The following RTN4R variants were observed in gnomAD, a reference collection of about 807,000 sequenced individuals.
The protein encoded by RTN4R is reticulon 4 receptor.
A neutral mutation model predicts 27.7 loss-of-function variants in RTN4R; 4 were observed. The observed-to-expected ratio is 0.14, with a 90% CI of 0.07 to 0.33. RTN4R has a LOEUF of 0.33. Ranked by LOEUF, RTN4R falls within the 10% of genes least tolerant of loss-of-function variation. The pLI is 1.00. For synonymous variants in RTN4R, 290 were observed against 305.6 expected (o/e 0.95, Z 0.53); for missense variants, 554 against 671.5 (o/e 0.83, Z 1.93).
At position 20,264,874 on chromosome 22, in the gene RTN4R, A is replaced by G. The variant is rs577391539; in HGVS notation, c.22+3197T>C. On this transcript the variant is annotated intron_variant, in intron 1 of 1. Transcript: ENST00000043402. ...ATGGGGGCGGGACGGCATGAACCTCATTGATCAGATAGTAGCCAAGTGTCA... is the reference window on the plus strand; with the variant it reads ...ATGGGGGCGGGACGGCATGAACCTCGTTGATCAGATAGTAGCCAAGTGTCA... Among the ~76,000 whole-genome samples the G allele has an allele frequency of 1.2e-3, 189 of 152,304 alleles. 1 individual carries two copies. The highest frequency in any genetic ancestry group is 4.4e-3 in the African/African-American group (184 of 41,564).
chr22:20,248,075 T>C (rs931552820), intron 1 of RTN4R, among the ~76,000 whole-genome samples: 2 of 152,140 alleles, frequency 1.3e-5, no homozygotes, highest in African/African-American at 4.8e-5. Flanking sequence ...CAAATTCTCT[T>C]GGAGGGGGTG....
intron 1 of RTN4R, chr22:20,267,513 C>T (rs371374111): frequency 2.1e-5 from 9 of 429,274 alleles, no homozygotes; most frequent in African/African-American, 1.7e-4. Context: ...TTGCTGCCTC[C>T]TCTCACCGCC....
intron 1 of RTN4R, among the ~76,000 whole-genome samples, chr22:20,266,375 G>A (rs2051276585): frequency 6.6e-6 from 1 of 152,226 alleles, no homozygotes; most frequent in African/African-American, 2.4e-5. Flanking sequence ...CCATCATGCA[G>A]CATGGCATCC....
At chr22:20,259,125 T>C (rs2051229577) in intron 1 of RTN4R, among the ~76,000 whole-genome samples, 1 of 152,010 alleles carries the variant, frequency 6.6e-6, no homozygotes, top group South Asian at 2.1e-4. Context: ...GGCCAAGGCA[T>C]AGGGGAGGGC....
At chr22:20,266,857 C>T (rs1313782565) in intron 1 of RTN4R, among the ~76,000 whole-genome samples, 3 of 152,248 alleles carry the variant, frequency 2.0e-5, no homozygotes, top group Non-Finnish European at 4.4e-5. Context: ...CACAGACACA[C>T]GTGCAGATGC....
Position 20,242,675 on chromosome 22 carries a change from A to G in RTN4R, c.458T>C (p.Leu153Pro). 1 of 1,612,600 alleles carries G rather than the reference A, an allele frequency of 6.2e-7. No individual in the cohort carries two copies. Among genetic ancestry groups the G allele is most frequent in the Non-Finnish European group, 8.5e-7 (1 of 1,179,754 alleles). ...CAGGTAGAGGTACTGCAGGGCAGCC[A>G]GGCCGCGGAACAGCCCCGGGCCCAG... ...QELGPGLFRG[L>P]AALQYLYLQD... Residue 153 changes from leucine to proline, a missense_variant, in exon 2 of 2, where the codon CTG becomes CCG. By Grantham distance (98) the Leu-to-Pro change is moderately conservative. Coordinates refer to ENST00000043402, the MANE Select transcript of RTN4R (RefSeq NM_023004.6).
chr22:20,243,791 C>G (rs1173442413), intron 1 of RTN4R: 1 of 302,848 alleles, frequency 3.3e-6, no homozygotes, highest in Non-Finnish European at 6.8e-6. Context: ...TCACTCCTCC[C>G]CAGCCAACCC....
intron 1 of RTN4R, chr22:20,249,332 C>T (rs2051161624): frequency 4.5e-6 from 2 of 446,684 alleles, no homozygotes; most frequent in South Asian, 3.1e-5. Flanking sequence ...CTGACCCTGC[C>T]CGCTACCTGG....
At chr22:20,243,628 G>T in intron 1 of RTN4R, 1 of 422,480 alleles carries the variant, frequency 2.4e-6, no homozygotes, top group South Asian at 1.8e-5. Flanking sequence ...GTGTGTCCAG[G>T]GCTTAGGAGG....
At chr22:20,254,384 A>T (rs1386008451) in intron 1 of RTN4R, among the ~76,000 whole-genome samples, 1 of 151,150 alleles carries the variant, frequency 6.6e-6, no homozygotes, top group African/African-American at 2.4e-5. Flanking sequence ...AGCCATGATC[A>T]TGCCACTGCA....
intron 1 of RTN4R, among the ~76,000 whole-genome samples, chr22:20,254,749 G>A (rs1221581102): frequency 2.0e-5 from 3 of 152,068 alleles, no homozygotes; most frequent in Non-Finnish European, 4.4e-5. Flanking sequence ...GGGAAGTTAT[G>A]GGGCAGCAGG....
intron 1 of RTN4R, among the ~76,000 whole-genome samples, chr22:20,259,994 GC>G (rs2051235531): frequency 6.6e-6 from 1 of 152,174 alleles, no homozygotes; most frequent in Admixed American, 6.5e-5. Context: ...CTGGACCAGG[GC>G]CCACTGGGAG....
chr22:20,265,669 C>T (rs1337077163), intron 1 of RTN4R, among the ~76,000 whole-genome samples: 1 of 152,346 alleles, frequency 6.6e-6, no homozygotes, highest in Non-Finnish European at 1.5e-5. Context: ...CTCCACTCAC[C>T]TGTGGCCCGA....
chr22:20,260,926 G>A lies in RTN4R; in HGVS notation c.22+7145C>T, dbSNP rs544761955. On this transcript the variant is annotated intron_variant, in intron 1 of 1. Coordinates refer to ENST00000043402, the MANE Select transcript of RTN4R (RefSeq NM_023004.6). ...TCCACATGCACCCAGCCTCCCCTCC[G>A]GACTCCACAGCTGCTAGCCCTGCCC... Among the ~76,000 whole-genome samples the A allele has an allele frequency of 1.8e-4, 28 of 151,880 alleles. 1 individual carries two copies. In the East Asian group the frequency reaches 2.5e-3, roughly 14 times the overall value.
intron 1 of RTN4R, among the ~76,000 whole-genome samples, chr22:20,261,671 C>T (rs1291516780): frequency 6.6e-6 from 1 of 152,218 alleles, no homozygotes; most frequent in Non-Finnish European, 1.5e-5. Context: ...GGGCACCAGG[C>T]ACTGCCCACA....
intron 1 of RTN4R, among the ~76,000 whole-genome samples, chr22:20,262,920 C>A (rs1362879279): frequency 6.6e-6 from 1 of 152,182 alleles, no homozygotes; most frequent in Non-Finnish European, 1.5e-5. Context: ...GCCGGGGATC[C>A]AGGCAAGCAA....
chr22:20,258,228 C>A (rs2145982060), intron 1 of RTN4R, among the ~76,000 whole-genome samples: 1 of 152,324 alleles, frequency 6.6e-6, no homozygotes, highest in East Asian at 1.9e-4. Flanking sequence ...AAGGCCATTG[C>A]CCCTGCTGGC....
intron 1 of RTN4R, among the ~76,000 whole-genome samples, chr22:20,252,036 C>G: frequency 6.7e-6 from 1 of 149,548 alleles, no homozygotes. Flanking sequence ...TCACTATCAT[C>G]ACCATCCTCA....
chr22:20,248,288 C>T (rs958066001), intron 1 of RTN4R, among the ~76,000 whole-genome samples: 2 of 152,256 alleles, frequency 1.3e-5, no homozygotes, highest in African/African-American at 4.8e-5. Context: ...CCAGGGCTAG[C>T]GGGCTTCCCA....
Sources: gnomAD v4.1 joint callset for allele counts (sites outside exome capture counted in the v4.1 genomes callset) on GRCh38, gnomAD v4.1.1 for gene constraint, MANE v1.5 for transcripts, NCBI Gene and HGNC (gene_info 2026-07-23, HGNC 2026-07-21) for gene names.